RHBDD1: variants seen among roughly 807,000 people sequenced by gnomAD.
The protein encoded by RHBDD1 is rhomboid-related protein 4.
RHBDD1 carries 38 observed loss-of-function variants against 36.3 expected under a neutral mutation model. That is an observed-to-expected ratio of 1.05 (90% CI 0.81 to 1.37). The LOEUF (loss-of-function observed/expected upper bound fraction) is 1.37, where lower values mean the gene tolerates loss of function less well. Ranked by LOEUF, RHBDD1 falls within the 40% of genes most tolerant of loss-of-function variation. RHBDD1 has a pLI of 0.00. For synonymous variants in RHBDD1, 151 were observed against 136.5 expected, an observed-to-expected ratio of 1.11 and a Z score of -0.74; for missense variants, 393 against 377.6, an observed-to-expected ratio of 1.04 and a Z score of -0.34.
chr2:226,860,378 A>G (rs1283214246), intron 3 of RHBDD1, among the ~76,000 whole-genome samples: 3 of 152,238 alleles, frequency 2.0e-5, no homozygotes, highest in Admixed American at 6.5e-5. Context: ...CAGTTCACAG[A>G]TAAGTTGCTA....
chr2:226,929,016 A>G (rs968664706), intron 8 of RHBDD1, among the ~76,000 whole-genome samples: 1 of 151,992 alleles, frequency 6.6e-6, no homozygotes, highest in Non-Finnish European at 1.5e-5. Context: ...AATTTTTTAA[A>G]TTGCCAACAA....
intron 3 of RHBDD1, among the ~76,000 whole-genome samples, chr2:226,852,476 A>G (rs1035550597): frequency 2.0e-5 from 3 of 152,016 alleles, no homozygotes; most frequent in Non-Finnish European, 4.4e-5. Context: ...GTCCTTATGA[A>G]ATGGACCCCA....
intron 5 of RHBDD1, among the ~76,000 whole-genome samples, chr2:226,882,445 AAAAAAAAAAG>A: frequency 6.6e-6 from 1 of 150,896 alleles, no homozygotes; most frequent in East Asian, 1.9e-4. Context: ...AAAAAAAAAA[AAAAAAAAAAG>A]AAGAAGAAGA....
chr2:226,922,979 C>T (rs1035276871), intron 8 of RHBDD1, among the ~76,000 whole-genome samples: 7 of 152,080 alleles, frequency 4.6e-5, no homozygotes, highest in East Asian at 1.9e-4. Context: ...ATACTGTTTA[C>T]GTTTGAAAAA....
At chr2:226,929,059 A>G (rs1949848905) in intron 8 of RHBDD1, among the ~76,000 whole-genome samples, 1 of 152,104 alleles carries the variant, frequency 6.6e-6, no homozygotes, top group African/African-American at 2.4e-5. Flanking sequence ...TTCACAGCCA[A>G]ATTCTACCAG....
intron 8 of RHBDD1, among the ~76,000 whole-genome samples, chr2:226,921,943 G>A (rs1348795659): frequency 6.6e-6 from 1 of 152,018 alleles, no homozygotes; most frequent in Non-Finnish European, 1.5e-5. Flanking sequence ...GTTGAAGTCT[G>A]CAGCTATTAT....
intron 8 of RHBDD1, among the ~76,000 whole-genome samples, chr2:226,969,999 C>G (rs914047905): frequency 8.1e-6 from 1 of 124,216 alleles, no homozygotes; most frequent in Admixed American, 9.1e-5. Flanking sequence ...TCCCCCCCCC[C>G]TTAATTTTTT....
intron 8 of RHBDD1, among the ~76,000 whole-genome samples, chr2:226,918,205 TAGC>T (rs940969556): frequency 8.6e-5 from 13 of 152,036 alleles, no homozygotes; most frequent in African/African-American, 3.1e-4. Context: ...TGTGGATACA[TAGC>T]AGGTGTATAT....
At chr2:226,860,032 T>C (rs1361165297) in intron 3 of RHBDD1, among the ~76,000 whole-genome samples, 1 of 152,156 alleles carries the variant, frequency 6.6e-6, no homozygotes, top group Non-Finnish European at 1.5e-5. Flanking sequence ...TTTGGAAGAA[T>C]TAATAAAACT....
intron 8 of RHBDD1, among the ~76,000 whole-genome samples, chr2:226,962,313 A>G (rs982189213): frequency 6.6e-6 from 1 of 152,234 alleles, no homozygotes; most frequent in African/African-American, 2.4e-5. Flanking sequence ...TTGCTAATAA[A>G]TGAAAGTCTT....
chr2:226,834,823 C>G (rs1301794305), upstream of RHBDD1, among the ~76,000 whole-genome samples: 1 of 152,158 alleles, frequency 6.6e-6, no homozygotes, highest in African/African-American at 2.4e-5. Context: ...GCTCTGTCGC[C>G]CAGGCTGGAG....
At chr2:226,994,568 C>T (rs932148703) in intron 8 of RHBDD1, among the ~76,000 whole-genome samples, 1 of 152,104 alleles carries the variant, frequency 6.6e-6, no homozygotes, top group Non-Finnish European at 1.5e-5. Context: ...AAAGGTACAG[C>T]CTTTTTGGTC....
intron 3 of RHBDD1, among the ~76,000 whole-genome samples, chr2:226,850,344 A>G (rs1489883726): frequency 1.3e-5 from 2 of 152,240 alleles, no homozygotes; most frequent in Non-Finnish European, 2.9e-5. Context: ...TTAAATACTC[A>G]GTGTCTTAAA....
At chr2:226,919,390 C>G (rs1272808115) in intron 8 of RHBDD1, among the ~76,000 whole-genome samples, 2 of 151,972 alleles carry the variant, frequency 1.3e-5, no homozygotes, top group East Asian at 1.9e-4. Context: ...CTCAATAAAT[C>G]TTTGCCAATC....
chr2:226,879,172 G>A (rs1434285285), intron 5 of RHBDD1, among the ~76,000 whole-genome samples: 3 of 151,778 alleles, frequency 2.0e-5, no homozygotes, highest in Admixed American at 6.6e-5. Context: ...GTTTGTATAT[G>A]TGCTGGGTGA....
intron 8 of RHBDD1, among the ~76,000 whole-genome samples, chr2:226,941,056 C>A (rs937662530): frequency 6.8e-6 from 1 of 147,972 alleles, no homozygotes. Context: ...AAGCAATCCT[C>A]CTGCCTCAGC....
chr2:226,851,918 G>C (rs1052822217), intron 3 of RHBDD1, among the ~76,000 whole-genome samples: 1 of 152,168 alleles, frequency 6.6e-6, no homozygotes, highest in Non-Finnish European at 1.5e-5. Flanking sequence ...TGTTGCGGTG[G>C]TGTTGGTGGC....
At chr2:226,988,050 G>A (rs1298563685) in intron 8 of RHBDD1, among the ~76,000 whole-genome samples, 2 of 152,208 alleles carry the variant, frequency 1.3e-5, no homozygotes, top group African/African-American at 4.8e-5. Context: ...CTCTTAGGAT[G>A]AAAGTCATAG....
intron 8 of RHBDD1, among the ~76,000 whole-genome samples, chr2:226,976,395 A>C (rs1353127057): frequency 6.6e-6 from 1 of 151,646 alleles, no homozygotes; most frequent in African/African-American, 2.4e-5. Context: ...ACATGCAGCA[A>C]CATCAAAGGA....
Sources: allele counts gnomAD v4.1 joint callset (sites outside exome capture counted in the v4.1 genomes callset), GRCh38; gene constraint gnomAD v4.1.1; transcripts MANE v1.5; gene names NCBI Gene and HGNC (gene_info 2026-07-23, HGNC 2026-07-21).